Variants in HGF observed in about 807,000 individuals in gnomAD.
HGF encodes fibroblast-derived tumor cytotoxic factor.
A neutral mutation model predicts 111.6 loss-of-function variants in HGF; 39 were observed. That is an observed-to-expected ratio of 0.35 (90% confidence interval 0.27 to 0.46). HGF has a LOEUF of 0.46. Among genes scored for constraint, HGF ranks in the 20% least tolerant of loss-of-function variants. HGF has a pLI of 1.00. For missense variants in HGF, 735 were observed against 910.5 expected (o/e 0.81, Z 2.48); for synonymous variants, 285 against 294.8 (o/e 0.97, Z 0.34).
chr7:81,741,131 G>T (rs966232160), intron 7 of HGF, among the ~76,000 whole-genome samples: 1 of 152,084 alleles, frequency 6.6e-6, no homozygotes, highest in Non-Finnish European at 1.5e-5. Flanking sequence ...TTTAATAGAA[G>T]TATCGTCTCT....
chr7:81,769,819 A>T lies in HGF; in HGVS notation c.88+65T>A, dbSNP rs570993163. ...GGGTAAAAAGAGGGTGTTAAAAGGAATAGGGAAGGTTAGCAGGAGAGTTAA... is the reference window on the plus strand; with the variant it reads ...GGGTAAAAAGAGGGTGTTAAAAGGATTAGGGAAGGTTAGCAGGAGAGTTAA... On this transcript the variant is annotated intron_variant, in intron 1 of 17. Coordinates refer to ENST00000222390, the MANE Select transcript of HGF (RefSeq NM_000601.6). 1.8e-4 allele frequency: 213 copies of T among 1,194,510 alleles called. 1 individual carries two copies. In the Middle Eastern group the frequency reaches 5.3e-3, roughly 30 times the overall value. The allele number at this position is 1,194,510 out of a possible 1,614,324, so 74.0% of individuals were successfully genotyped here.
At chr7:81,751,809 T>G in intron 5 of HGF, 1 of 1,183,148 alleles carries the variant, frequency 8.5e-7, no homozygotes, top group Non-Finnish European at 1.1e-6. Context: ...TGCCACACAG[T>G]AGTAGATTTT....
At chr7:81,765,517 A>G (rs188478754) in intron 1 of HGF, among the ~76,000 whole-genome samples, 31 of 152,246 alleles carry the variant, frequency 2.0e-4, no homozygotes, top group Admixed American at 2.0e-3. Context: ...TATCAGGGGC[A>G]ATCAGAACCA....
rs1789395695 is a variant in HGF at position 81,705,428 on chromosome 7, A to G, written c.1972T>C (p.Cys658Arg). ...GATCCAATCTTTTCAGCCCCAGCAC[A>G]TATTTCAGACTCATTCAGAGTCACC... ...GKVTLNESEI[C>R]AGAEKIGSGP... The change falls in exon 17 of 18, where the codon TGT (cysteine) becomes CGT (arginine). Residue 658 changes from cysteine (C) to arginine (R), a missense_variant. Transcript: ENST00000222390. The G allele has an allele frequency of 6.2e-7, 1 of 1,612,900 alleles. No homozygotes were observed. Among genetic ancestry groups the G allele is most frequent in the Non-Finnish European group, 8.5e-7 (1 of 1,179,158 alleles).
At chr7:81,750,984 G>A (rs1410655112) in intron 5 of HGF, 3 of 966,982 alleles carry the variant, frequency 3.1e-6, no homozygotes, top group Non-Finnish European at 3.7e-6. Flanking sequence ...GGAATGGAAA[G>A]TAAGAATTTA....
rs141389863 is a variant in HGF, at chr7:81,757,282, A to G, written c.389T>C (p.Ile130Thr). ...TCCCTTGTAGCTGCGTCCTTTACCAATGATGCAGTTTCTAATGTAGTCTAT... is the reference window on the plus strand; with the variant it reads ...TCCCTTGTAGCTGCGTCCTTTACCAGTGATGCAGTTTCTAATGTAGTCTAT... ...ENKDYIRNCI[I>T]GKGRSYKGTV... Residue 130 changes from isoleucine to threonine, a missense_variant, in exon 4 of 18, where the codon ATT becomes ACT. Coordinates refer to ENST00000222390, the MANE Select transcript of HGF (RefSeq NM_000601.6). 32 of 1,589,034 alleles carry G rather than the reference A, an allele frequency of 2.0e-5. No homozygotes were observed. In the African/African-American group the frequency reaches 2.7e-4, roughly 13 times the overall value.
Position 81,769,914 on chromosome 7 carries a change from G to A in HGF, c.58C>T (p.Leu20Phe). ...TAGGGGATGGCGATGGGGAGCAGGA[G>A]GAGATGCAGGAGGACATGCTGCAGC... ...LLLQHVLLHL[L>F]LLPIAIPYAE... The change falls in exon 1 of 18, where the codon CTC becomes TTC. Residue 20 changes from leucine (L) to phenylalanine (F), a missense_variant. Leu to Phe is a conservative substitution (Grantham distance 22). Coordinates refer to ENST00000222390, the MANE Select transcript of HGF (RefSeq NM_000601.6). 6.4e-7 allele frequency: 1 copy of A among 1,569,132 alleles called. No individual in the cohort carries two copies. The highest frequency in any genetic ancestry group is 8.6e-7 in the Non-Finnish European group (1 of 1,156,100).
In HGF at chr7:81,700,347, G is replaced by T. The variant is rs1304463154; in HGVS notation, c.*2234C>A. On this transcript the variant is annotated 3_prime_UTR_variant, in exon 18 of 18. Coordinates refer to ENST00000222390, the MANE Select transcript of HGF (RefSeq NM_000601.6). ...TATCACGAAAGGAGCCTCCCAAAGA[G>T]AGAATTACTTTGTACGGTTTGTTTG... is the stretch of plus-strand genomic sequence containing the variant. The T allele has an allele frequency of 1.3e-5, 2 of 151,520 alleles. No individual in the cohort carries two copies. Among genetic ancestry groups the T allele is most frequent in the East Asian group, 3.9e-4 (2 of 5,170 alleles). The allele number at this position is 151,520 out of a possible 1,614,324, so 9.4% of individuals were successfully genotyped here.
At chr7:81,720,597 A>T in intron 10 of HGF, 148 bp downstream of exon 10, 1 of 636,944 alleles carries the variant, frequency 1.6e-6, no homozygotes, top group Non-Finnish European at 2.8e-6. Flanking sequence ...CAATGTTATG[A>T]TGAGTTGTAA....
intron 2 of HGF, among the ~76,000 whole-genome samples, chr7:81,759,614 C>T (rs1056890867): frequency 6.6e-6 from 1 of 152,034 alleles, no homozygotes; most frequent in Non-Finnish European, 1.5e-5. Flanking sequence ...ACGCCATTCT[C>T]CTGCCTCAGC....
intron 15 of HGF, 117 bp from the exon 16 acceptor site, chr7:81,705,870 TAAAAAA>T (rs59876148): frequency 2.2e-5 from 12 of 538,128 alleles, no homozygotes; most frequent in Admixed American, 3.4e-5. Context: ...TCCTGTTTCT[TAAAAAA>T]AAAAAAAAAA....
chr7:81,726,150 G>T lies in HGF; in HGVS notation c.1041-133C>A, dbSNP rs1389201477. 11 of 842,700 alleles carry T rather than the reference G, an allele frequency of 1.3e-5. No homozygotes were observed. The East Asian group carries it at 2.6e-4, about 20-fold the overall frequency. 52.2% of individuals were successfully genotyped at this position (842,700 alleles called of 1,614,324 possible). Reference sequence around the variant, plus strand: ...GTTCTAACTTTTTGGACTCAGAATAGCTATAACAATTTAATATTCAGTATA... The same window carrying T: ...GTTCTAACTTTTTGGACTCAGAATATCTATAACAATTTAATATTCAGTATA... On this transcript the variant is annotated intron_variant, in intron 8 of 17. Coordinates refer to ENST00000222390, the MANE Select transcript of HGF (RefSeq NM_000601.6).
rs1583908472 is a variant in HGF at position 81,701,587 on chromosome 7, C to T, written c.*994G>A. The T allele has an allele frequency of 6.6e-6, 1 of 151,466 alleles. No individual in the cohort carries two copies. Among genetic ancestry groups the T allele is most frequent in the Non-Finnish European group, 1.5e-5 (1 of 67,634 alleles). The allele number at this position is 151,466 out of a possible 1,614,324, so 9.4% of individuals were successfully genotyped here. On this transcript the variant is annotated 3_prime_UTR_variant, in exon 18 of 18. Transcript: ENST00000222390. ...TTTTAATGACCAAAACACTTTTAAA[C>T]TTCTTCAATTAGATACTGATCTGAG... is the stretch of plus-strand genomic sequence containing the variant.
At chr7:81,716,829 C>T (rs1458221572) in intron 11 of HGF, among the ~76,000 whole-genome samples, 1 of 152,076 alleles carries the variant, frequency 6.6e-6, no homozygotes. Flanking sequence ...TTCAGATCTG[C>T]TCACGGCTTT....
chr7:81,730,159 T>A (rs767422010), intron 7 of HGF, among the ~76,000 whole-genome samples: 3 of 152,094 alleles, frequency 2.0e-5, no homozygotes, highest in Non-Finnish European at 2.9e-5. Context: ...ATATAATACA[T>A]ATATTCTGGC....
chr7:81,763,987 T>C (rs980628565), intron 1 of HGF, among the ~76,000 whole-genome samples: 9 of 152,108 alleles, frequency 5.9e-5, no homozygotes, highest in African/African-American at 1.9e-4. Flanking sequence ...ATGGCTAAGA[T>C]TGTAGTGGAA....
In HGF at chr7:81,706,282, C is replaced by T. The variant is rs1198877847; in HGVS notation, c.1757+5G>A. 1.3e-5 allele frequency: 21 copies of T among 1,612,054 alleles called. No homozygotes were observed. The highest frequency in any genetic ancestry group is 2.2e-5 in the South Asian group (2 of 91,048). ...AAAAATACAAAATCTTCTAAAGTAACTAACCTGGCAAGCTTCATTAAAACC... is the reference window on the plus strand; with the variant it reads ...AAAAATACAAAATCTTCTAAAGTAATTAACCTGGCAAGCTTCATTAAAACC... On this transcript the variant is annotated splice_donor_5th_base_variant and intron_variant, in intron 15 of 17. Transcript: ENST00000222390.
intron 5 of HGF, among the ~76,000 whole-genome samples, chr7:81,746,503 T>A (rs999591326): frequency 1.3e-5 from 2 of 152,220 alleles, no homozygotes; most frequent in African/African-American, 4.8e-5. Flanking sequence ...AACACAAATT[T>A]TGATACCGTC....
intron 7 of HGF, among the ~76,000 whole-genome samples, chr7:81,741,592 T>C (rs1788006258): frequency 6.6e-6 from 1 of 150,892 alleles, no homozygotes; most frequent in African/African-American, 2.4e-5. Flanking sequence ...TCTGTGTGTG[T>C]GTGTGTGTGT....
Sources: allele counts gnomAD v4.1 joint callset (sites outside exome capture counted in the v4.1 genomes callset), GRCh38; gene constraint gnomAD v4.1.1; transcripts MANE v1.5; gene names NCBI Gene and HGNC (gene_info 2026-07-23, HGNC 2026-07-21).